Variants in SIMC1 observed in about 807,000 individuals in gnomAD.
SIMC1 encodes the protein SUMO interacting motifs containing 1.
Under a neutral mutation model 82.3 loss-of-function variants are expected in SIMC1, and 55 were observed. The ratio of observed to expected loss-of-function variants is 0.67; its 90% CI spans 0.54 to 0.84. SIMC1 has a LOEUF of 0.84. Among genes scored for constraint, SIMC1 ranks in the 40% least tolerant of loss-of-function variants. The probability of loss-of-function intolerance (pLI) is 0.00; values close to 1 mark genes in which losing one functional copy is unlikely to be tolerated. For synonymous variants in SIMC1, 353 were observed against 426.3 expected (o/e 0.83, Z 2.12); for missense variants, 915 against 1,107.2 (o/e 0.83, Z 2.46).
At chr5:176,258,815 CT>C (rs1037391136) in intron 1 of SIMC1, among the ~76,000 whole-genome samples, 1 of 152,096 alleles carries the variant, frequency 6.6e-6, no homozygotes, top group Non-Finnish European at 1.5e-5. Flanking sequence ...CTGCAGATCA[CT>C]TCCAACATCC....
At chr5:176,293,639 T>C (rs1371232503) in intron 2 of SIMC1, among the ~76,000 whole-genome samples, 1 of 151,868 alleles carries the variant, frequency 6.6e-6, no homozygotes, top group Non-Finnish European at 1.5e-5. Context: ...TCCCAGCTAC[T>C]TGGGAGGCTG....
chr5:176,280,799 C>T (rs1190564142), intron 1 of SIMC1, among the ~76,000 whole-genome samples: 9 of 152,294 alleles, frequency 5.9e-5, no homozygotes, highest in East Asian at 1.9e-4. Flanking sequence ...CCAAGAGATC[C>T]GCTGTTAGTC....
intron 7 of SIMC1, among the ~76,000 whole-genome samples, chr5:176,328,970 A>T (rs1765510197): frequency 1.3e-5 from 2 of 152,154 alleles, no homozygotes; most frequent in Non-Finnish European, 2.9e-5. Flanking sequence ...TGCAAAACCT[A>T]TTAGAAGTAG....
At chr5:176,251,835 C>T (rs1451888181) in intron 1 of SIMC1, among the ~76,000 whole-genome samples, 4 of 150,320 alleles carry the variant, frequency 2.7e-5, no homozygotes, top group South Asian at 4.3e-4. Context: ...CATCTTGCAC[C>T]GCCCTTAATC....
In SIMC1 at chr5:176,289,780, C is replaced by A; in HGVS notation, c.256C>A (p.Pro86Thr). ...PIATLDLTLE[P>T]VTPSQKEPTS... ...TGCCACTCTTGACTTAACTTTAGAACCTGTCACTCCTTCCCAGAAGGAGCC... is the reference window on the plus strand; with the variant it reads ...TGCCACTCTTGACTTAACTTTAGAAACTGTCACTCCTTCCCAGAAGGAGCC... The change falls in exon 2 of 10, where the codon CCT (proline) becomes ACT (threonine). Residue 86 changes from proline (P) to threonine (T), a missense_variant. Physicochemically the swap from Pro to Thr is conservative, Grantham distance 38. Coordinates refer to ENST00000429602, the MANE Select transcript of SIMC1 (RefSeq NM_001308195.2). The A allele has an allele frequency of 1.2e-6, 2 of 1,613,968 alleles. No individual in the cohort carries two copies. Among genetic ancestry groups the A allele is most frequent in the Non-Finnish European group, 1.7e-6 (2 of 1,179,878 alleles).
Position 176,289,929 on chromosome 5 carries a change from G to A in SIMC1, c.405G>A (p.Val135=). ...GTGATCCTGTAGATTTGGACCTAGT[G>A]GAAGAAAACACCTTTGTAGGTCCCC... ...INSDPVDLDL[V]EENTFVGPPP... is the part of the protein sequence containing the mutation. The change falls in exon 2 of 10, where the codon GTG becomes GTA. Residue 135 remains valine, a synonymous_variant. Coordinates refer to ENST00000429602, the MANE Select transcript of SIMC1 (RefSeq NM_001308195.2). The A allele has an allele frequency of 6.2e-7, 1 of 1,613,862 alleles. No homozygotes were observed. The highest frequency in any genetic ancestry group is 8.5e-7 in the Non-Finnish European group (1 of 1,179,868).
At chr5:176,273,704 T>C (rs1450426510) in intron 1 of SIMC1, among the ~76,000 whole-genome samples, 1 of 152,128 alleles carries the variant, frequency 6.6e-6, no homozygotes, top group Non-Finnish European at 1.5e-5. Flanking sequence ...CCTTCCTGTG[T>C]CCATGTGTTC....
chr5:176,342,749 G>A (rs994218100), intron 9 of SIMC1, among the ~76,000 whole-genome samples: 6 of 152,230 alleles, frequency 3.9e-5, no homozygotes, highest in African/African-American at 1.4e-4. Context: ...TCCGTGGCTA[G>A]AGTGGGCTGC....
intron 7 of SIMC1, among the ~76,000 whole-genome samples, chr5:176,332,872 A>G (rs1386961880): frequency 2.6e-5 from 4 of 152,218 alleles, no homozygotes; most frequent in Non-Finnish European, 5.9e-5. Context: ...AAGATATAGA[A>G]CATTTCCATC....
intron 7 of SIMC1, among the ~76,000 whole-genome samples, chr5:176,334,425 A>C (rs532341643): frequency 3.7e-4 from 56 of 152,282 alleles, no homozygotes; most frequent in Admixed American, 1.3e-3. Flanking sequence ...TGGGGTCTCA[A>C]CTGAATGTCC....
intron 1 of SIMC1, among the ~76,000 whole-genome samples, chr5:176,246,896 G>T (rs866877224): frequency 1.5e-4 from 23 of 152,164 alleles, no homozygotes; most frequent in African/African-American, 5.5e-4. Flanking sequence ...TGCTGAGAAT[G>T]ATGGTTTCCA....
chr5:176,336,963 C>T (rs570177005), intron 8 of SIMC1, 87 bp downstream of exon 8: 2 of 1,599,672 alleles, frequency 1.3e-6, no homozygotes, highest in East Asian at 2.2e-5. Context: ...TAGCTTAAAA[C>T]ACAACTGTTT....
In SIMC1 at chr5:176,283,710, A is replaced by G. The variant is rs146399496; in HGVS notation, c.130-5944A>G. ...AAATGTAGATGTGCCCAATGCTCCA[A>G]TTAAAAGACACAGACTGGCAAATTG... On this transcript the variant is annotated intron_variant, in intron 1 of 9. Transcript: ENST00000429602. Among the ~76,000 whole-genome samples, 194 of 152,342 alleles carry G rather than the reference A, an allele frequency of 1.3e-3. 1 individual carries two copies. The highest frequency in any genetic ancestry group is 4.5e-3 in the African/African-American group (188 of 41,570).
intron 4 of SIMC1, chr5:176,313,304 C>G (rs1277964023): frequency 1.4e-6 from 2 of 1,454,800 alleles, no homozygotes; most frequent in Non-Finnish European, 1.8e-6. Flanking sequence ...TTGATAGGTT[C>G]AGTGAGAGGG....
chr5:176,286,130 A>C (rs1203390490), intron 1 of SIMC1, among the ~76,000 whole-genome samples: 1 of 152,300 alleles, frequency 6.6e-6, no homozygotes, highest in Admixed American at 6.5e-5. Flanking sequence ...AATTGGAAAA[A>C]AACTACTTTA....
At position 176,303,325 on chromosome 5, in the gene SIMC1, A is replaced by ATTTT. The variant is rs374155075; in HGVS notation, c.1734+7021_1734+7024dup. On this transcript the variant is annotated intron_variant, in intron 4 of 9. Coordinates refer to ENST00000429602, the MANE Select transcript of SIMC1 (RefSeq NM_001308195.2). ...CAAAGGACACCAAATAGCCAAAGCA[A>ATTTT]TTTTTTTTTTTTTTTTTTTGAGACA... Among the ~76,000 whole-genome samples the ATTTT allele has an allele frequency of 2.5e-4, 31 of 123,150 alleles. 1 individual carries two copies. Among genetic ancestry groups the ATTTT allele is most frequent in the Admixed American group, 2.9e-4 (3 of 10,494 alleles). The allele number at this position is 123,150 out of a possible 152,430, so 80.8% of individuals were successfully genotyped here. A position where few individuals can be genotyped will look rare whatever the true frequency, so the allele number is the denominator to read the frequency against.
chr5:176,329,564 A>G (rs1018975198), intron 7 of SIMC1, among the ~76,000 whole-genome samples: 12 of 151,254 alleles, frequency 7.9e-5, no homozygotes, highest in African/African-American at 2.9e-4. Flanking sequence ...CTACCCTTTT[A>G]TAGCTACAAT....
At chr5:176,288,958 A>G (rs149144606) in intron 1 of SIMC1, among the ~76,000 whole-genome samples, 4,621 of 152,200 alleles carry the variant, frequency 0.03, 104 homozygotes, top group Non-Finnish European at 0.047. Flanking sequence ...AGTTTTCATT[A>G]ATTTACTTAC....
intron 7 of SIMC1, among the ~76,000 whole-genome samples, chr5:176,335,186 G>T (rs938699686): frequency 8.0e-5 from 12 of 150,586 alleles, no homozygotes; most frequent in African/African-American, 2.7e-4. Context: ...TATTTCCTCT[G>T]GTTTTATCAT....
Sources: allele counts gnomAD v4.1 joint callset (sites outside exome capture counted in the v4.1 genomes callset), GRCh38; gene constraint gnomAD v4.1.1; transcripts MANE v1.5; gene names NCBI Gene and HGNC (gene_info 2026-07-23, HGNC 2026-07-21).